TRPV1: variants seen among roughly 807,000 people sequenced by gnomAD.
TRPV1 encodes the protein OTRPC1.
A neutral mutation model predicts 82.3 loss-of-function variants in TRPV1; 82 were observed. The ratio of observed to expected loss-of-function variants is 1.00; its 90% confidence interval spans 0.83 to 1.20. The LOEUF is 1.20. TRPV1 is among the 50% of genes most tolerant of loss of function. The probability of loss-of-function intolerance (pLI) is 0.00; values close to 1 mark genes in which losing one functional copy is unlikely to be tolerated. For synonymous variants in TRPV1, 515 were observed against 467.7 expected (o/e 1.10, Z -1.30); for missense variants, 1,067 against 1,096.8 (o/e 0.97, Z 0.38).
intron 16 of TRPV1, among the ~76,000 whole-genome samples, chr17:3,571,307 G>T (rs2074849441): frequency 6.6e-6 from 1 of 152,208 alleles, no homozygotes; most frequent in Non-Finnish European, 1.5e-5. Flanking sequence ...CGGGCCCAGT[G>T]AGCCGTCAGC....
intron 16 of TRPV1, among the ~76,000 whole-genome samples, chr17:3,569,993 G>GAGGAGGGGCCAAGCGGTCAGGA (rs2074829851): frequency 2.7e-5 from 4 of 150,074 alleles, no homozygotes; most frequent in African/African-American, 9.8e-5. Context: ...AGCGGTCAGG[G>GAGGAGGGGCCAAGCGGTCAGGA]AGGAGGGGCC....
chr17:3,574,561 C>G (rs1023305032), intron 13 of TRPV1, among the ~76,000 whole-genome samples: 1 of 152,208 alleles, frequency 6.6e-6, no homozygotes, highest in East Asian at 1.9e-4. Flanking sequence ...GGGATTCCAA[C>G]GCAAACGGCA....
At chr17:3,587,330 G>C (rs1018983703) in intron 8 of TRPV1, among the ~76,000 whole-genome samples, 1 of 152,178 alleles carries the variant, frequency 6.6e-6, no homozygotes, top group Admixed American at 6.5e-5. Context: ...TGTCGTGGAA[G>C]CCCCTCACTG....
intron 14 of TRPV1, among the ~76,000 whole-genome samples, chr17:3,573,068 A>G (rs2074879722): frequency 6.6e-6 from 1 of 152,026 alleles, no homozygotes; most frequent in Admixed American, 6.6e-5. Context: ...AGATCAGGTG[A>G]GACAGACACT....
At chr17:3,584,613 C>A (rs534332288) in intron 9 of TRPV1, among the ~76,000 whole-genome samples, 3 of 151,666 alleles carry the variant, frequency 2.0e-5, no homozygotes, top group Admixed American at 6.6e-5. Flanking sequence ...CTGGCCAATA[C>A]GGTGAAATCC....
At chr17:3,588,141 G>C (rs2075106735) in intron 8 of TRPV1, 47 bp downstream of exon 8, 1 of 1,529,058 alleles carries the variant, frequency 6.5e-7, no homozygotes, top group Non-Finnish European at 8.8e-7. Flanking sequence ...TTGGGGCTTG[G>C]GTGCAGAGGC....
chr17:3,581,946 T>C (rs1185307060), intron 10 of TRPV1, among the ~76,000 whole-genome samples: 5 of 145,938 alleles, frequency 3.4e-5, no homozygotes, highest in African/African-American at 1.3e-4. Flanking sequence ...ATCCCAGCAC[T>C]TTGGGAGGCC....
At position 3,576,666 on chromosome 17, in the gene TRPV1, AAAAT is replaced by A. The variant is rs1188601157; in HGVS notation, c.1780+456_1780+459del. Among the ~76,000 whole-genome samples the A allele has an allele frequency of 1.6e-4, 6 of 37,902 alleles. No homozygotes were observed. The East Asian group carries it at 0.012, about 73-fold the overall frequency. The allele number at this position is 37,902 out of a possible 152,430, so 24.9% of individuals were successfully genotyped here. On this transcript the variant is annotated intron_variant, in intron 13 of 16. Coordinates refer to ENST00000572705, the MANE Select transcript of TRPV1 (RefSeq NM_080704.4). ...GACTCTGTATGAGAAAAAAAAAAAA[AAAAT>A]ATATATATATATATATATATGCATA...
At chr17:3,585,955 C>T (rs3744686) in intron 8 of TRPV1, 29 bp from the exon 9 acceptor site, 393,145 of 1,611,818 alleles carry the variant, frequency 0.24, 49,200 homozygotes, top group Admixed American at 0.27. Context: ...AGTGAGGTTC[C>T]CTCCTGCAGC....
At position 3,592,072 on chromosome 17, in the gene TRPV1, A is replaced by G; in HGVS notation, c.279T>C (p.Gly93=). Reference sequence around the variant, plus strand: ...GGCTCCAGACGCGGACTTACCTGGCACCGGTGGGGCCGTCTCCTGGCCTCT... The same window carrying G: ...GGCTCCAGACGCGGACTTACCTGGCGCCGGTGGGGCCGTCTCCTGGCCTCT... ...TIQRPGDGPT[G]ARLLSQDSVA... Residue 93 remains glycine (G), a synonymous_variant, in exon 3 of 17, where the codon GGT becomes GGC. Transcript: ENST00000572705. The G allele has an allele frequency of 1.9e-6, 3 of 1,610,750 alleles. No homozygotes were observed. The highest frequency in any genetic ancestry group is 2.5e-6 in the Non-Finnish European group (3 of 1,177,726).
In TRPV1 at chr17:3,580,499, G is replaced by A. The variant is rs1457489842; in HGVS notation, c.1505C>T (p.Ser502Leu). The A allele has an allele frequency of 1.2e-6, 2 of 1,613,892 alleles. No homozygotes were observed. The highest frequency in any genetic ancestry group is 1.7e-6 in the Non-Finnish European group (2 of 1,179,916). Residue 502 changes from serine to leucine, a missense_variant, in exon 11 of 17, where the codon TCG becomes TTG. Physicochemically the swap from Ser to Leu is moderately radical, Grantham distance 145. Transcript: ENST00000572705. ...GCTGTCCACAAACAGGGTCTTCATC[G>A]ACGGCCGCCTCTGCAGGAAATACTG... ...GIQYFLQRRPSMKTLFVDSYS... is the reference protein window; with the variant it reads ...GIQYFLQRRPLMKTLFVDSYS...
intron 15 of TRPV1, 139 bp downstream of exon 15, chr17:3,571,983 C>T: frequency 1.7e-6 from 2 of 1,159,590 alleles, no homozygotes; most frequent in South Asian, 1.5e-5. Context: ...CTCAGGACGG[C>T]CCCAATCCCT....
chr17:3,577,919 G>A (rs775909343), intron 11 of TRPV1, 156 bp from the exon 12 acceptor site: 14 of 659,578 alleles, frequency 2.1e-5, no homozygotes, highest in Admixed American at 8.8e-5. Context: ...GGCGTTCTCC[G>A]TGGAAGCAGC....
intron 13 of TRPV1, among the ~76,000 whole-genome samples, chr17:3,575,093 C>T (rs750772785): frequency 5.9e-5 from 9 of 152,074 alleles, no homozygotes; most frequent in Non-Finnish European, 1.0e-4. Context: ...TCCATGAGGC[C>T]ATTCTGATAC....
intron 16 of TRPV1, among the ~76,000 whole-genome samples, chr17:3,568,903 G>A (rs1455758056): frequency 6.6e-6 from 1 of 152,090 alleles, no homozygotes; most frequent in East Asian, 1.9e-4. Flanking sequence ...TTAGCCAGGT[G>A]TACACATATA....
rs969710689 is a variant in TRPV1, at chr17:3,592,773, C to T, written c.-33-390G>A. 2.3e-5 allele frequency: 4 copies of T among 172,216 alleles called. No individual in the cohort carries two copies. In the East Asian group the frequency reaches 5.0e-4, roughly 22 times the overall value. 10.7% of individuals were successfully genotyped at this position (172,216 alleles called of 1,614,324 possible). On this transcript the variant is annotated intron_variant, in intron 2 of 16. Coordinates refer to ENST00000572705, the MANE Select transcript of TRPV1 (RefSeq NM_080704.4). Reference sequence around the variant, plus strand: ...CCCCACACAGAACAAGGAAAACGGCCGGGGTGGCTGTCGTGGGCTGAATTC... The same window carrying T: ...CCCCACACAGAACAAGGAAAACGGCTGGGGTGGCTGTCGTGGGCTGAATTC...
rs460716 is a variant in TRPV1 at position 3,608,514 on chromosome 17, A to G, written c.-121T>C. 116,720 of 152,028 alleles carry G rather than the reference A, an allele frequency of 0.77. 45,232 individuals are homozygous for G. The highest frequency in any genetic ancestry group is 0.86 in the African/African-American group (35,750 of 41,484). 9.4% of individuals were successfully genotyped at this position (152,028 alleles called of 1,614,324 possible). A position where few individuals can be genotyped will look rare whatever the true frequency, so the allele number is the denominator to read the frequency against. ...GAGCATCTACGGCCTGGACGTGGGG[A>G]ACACAGGGACGGTTTGCATCCCAGA... On this transcript the variant is annotated 5_prime_UTR_variant, in exon 2 of 17. Transcript: ENST00000572705.
In TRPV1 at chr17:3,590,919, C is replaced by A. The variant is rs780681833; in HGVS notation, c.604+45G>T. ...GGGACAACCATGCCCCCCTGCTTCC[C>A]GGTGCTGCGGGCTGAGCCATGCCCG... is the stretch of plus-strand genomic sequence containing the variant. On this transcript the variant is annotated intron_variant, in intron 5 of 16. Transcript: ENST00000572705. 2.0e-6 allele frequency: 3 copies of A among 1,523,406 alleles called. No individual in the cohort carries two copies. The South Asian group carries it at 3.9e-5, about 20-fold the overall frequency. The allele number at this position is 1,523,406 out of a possible 1,614,324, so 94.4% of individuals were successfully genotyped here.
Position 3,588,208 on chromosome 17 carries a change from A to T in TRPV1, c.1204T>A (p.Tyr402Asn). Residue 402 changes from tyrosine to asparagine, a missense_variant, in exon 8 of 17, where the codon TAC becomes AAC. Physicochemically the swap from Tyr to Asn is moderately radical, Grantham distance 143 (BLOSUM62 -2). Coordinates refer to ENST00000572705, the MANE Select transcript of TRPV1 (RefSeq NM_080704.4). ...CTCACAGGGGTCTCGCTGCTGCTGT[A>T]GGCGATCACCTCCAGCACCGAGTTC... ...EKNSVLEVIA[Y>N]SSSETPNRHD... 1 of 1,568,862 alleles carries T rather than the reference A, an allele frequency of 6.4e-7. No individual in the cohort carries two copies. Among genetic ancestry groups the T allele is most frequent in the Non-Finnish European group, 8.6e-7 (1 of 1,157,358 alleles).
Sources: gnomAD v4.1 joint callset for allele counts (sites outside exome capture counted in the v4.1 genomes callset) on GRCh38, gnomAD v4.1.1 for gene constraint, MANE v1.5 for transcripts, NCBI Gene and HGNC (gene_info 2026-07-23, HGNC 2026-07-21) for gene names.